The following NOTCH2 variants were observed in gnomAD, a reference collection of about 807,000 sequenced individuals.
NOTCH2 encodes neurogenic locus notch homolog protein 2.
NOTCH2 carries 29 observed loss-of-function variants against 235.8 expected under a neutral mutation model. The ratio of observed to expected loss-of-function variants is 0.12; its 90% CI spans 0.09 to 0.17. NOTCH2 has a LOEUF of 0.17. NOTCH2 is among the 10% of genes least tolerant of loss of function. The probability of loss-of-function intolerance (pLI) is 1.00; values close to 1 mark genes in which losing one functional copy is unlikely to be tolerated. For missense variants in NOTCH2, 2,285 were observed against 3,150.2 expected, an observed-to-expected ratio of 0.73 and a Z score of 6.57; for synonymous variants, 1,086 against 1,141.5, an observed-to-expected ratio of 0.95 and a Z score of 0.98.
chr1:120,014,699 A>G (rs1164006477), intron 2 of NOTCH2, among the ~76,000 whole-genome samples: 2 of 114,932 alleles, frequency 1.7e-5, no homozygotes, highest in African/African-American at 3.5e-5. Flanking sequence ...CTGAATAGCA[A>G]TTCCAATCTA....
intron 22 of NOTCH2, among the ~76,000 whole-genome samples, chr1:119,929,454 C>T (rs1649580789): frequency 6.6e-6 from 1 of 152,198 alleles, no homozygotes; most frequent in African/African-American, 2.4e-5. Flanking sequence ...CCACACAATC[C>T]AGTGAAGTAG....
intron 20 of NOTCH2, 144 bp from the exon 21 acceptor site, chr1:119,937,610 G>A (rs1243015907): frequency 7.1e-6 from 6 of 843,246 alleles, no homozygotes; most frequent in Non-Finnish European, 1.2e-5. Context: ...AGTACCAGAT[G>A]CATATTAAAA....
chr1:120,054,816 ATTC>A (rs1484198476), intron 1 of NOTCH2, among the ~76,000 whole-genome samples: 3 of 137,710 alleles, frequency 2.2e-5, no homozygotes, highest in Admixed American at 7.4e-5. Context: ...ACATAATTCC[ATTC>A]TTCTTCCCAG....
chr1:119,923,182 G>A (rs1649346121), intron 26 of NOTCH2, among the ~76,000 whole-genome samples: 1 of 152,132 alleles, frequency 6.6e-6, no homozygotes, highest in South Asian at 2.1e-4. Context: ...CTTTGTCTCT[G>A]CATTGGTATC....
Position 119,968,091 on chromosome 1 carries a change from T to C in NOTCH2, c.1250A>G (p.Asp417Gly). 1 of 1,614,100 alleles carries C rather than the reference T, an allele frequency of 6.2e-7. No homozygotes were observed. Among genetic ancestry groups the C allele is most frequent in the Non-Finnish European group, 8.5e-7 (1 of 1,179,940 alleles). The change falls in exon 7 of 34, where the codon GAT becomes GGT. Residue 417 changes from aspartate to glycine, a missense_variant. Around this residue, in one of 6 missense-constraint regions of NOTCH2, gnomAD observed 431 missense variants for 757.8 expected, o/e 0.57. Transcript: ENST00000256646. Reference protein sequence around the residue: ...YKGADCTEDVDECAMANSNPC... With the variant: ...YKGADCTEDVGECAMANSNPC... ...TGCTTACTCACCCATGGCACATTCA[T>C]CCACATCTTCTGTGCAGTCAGCCCC...
In NOTCH2 at chr1:119,997,085, C is replaced by G. The variant is rs374483518; in HGVS notation, c.663G>C (p.Leu221=). 6.2e-7 allele frequency: 1 copy of G among 1,614,034 alleles called. No homozygotes were observed. The highest frequency in any genetic ancestry group is 8.5e-7 in the Non-Finnish European group (1 of 1,179,866). The part of the protein sequence containing the change: ...QGFTGQYCDS[L]YVPCAPSPCV... ...AAGGTGAGGGTGCACAGGGCACATA[C>G]AGGCTGTCACAGTACTGGCCTGTGA... Residue 221 remains leucine, a synonymous_variant, in exon 4 of 34, where the codon CTG becomes CTC. Transcript: ENST00000256646.
rs375927260 is a variant in NOTCH2, at chr1:119,963,562, G to T, written c.1915+12C>A. 8 of 1,605,480 alleles carry T rather than the reference G, an allele frequency of 5.0e-6. No individual in the cohort carries two copies. Among genetic ancestry groups the T allele is most frequent in the Non-Finnish European group, 6.0e-6 (7 of 1,172,104 alleles). The stretch of plus-strand genomic sequence containing the variant: ...GAAAACCCCATACCAAACATAAACA[G>T]AGTGGGCTTACCTGACGTGCCTGGC... On this transcript the variant is annotated intron_variant, in intron 11 of 33. Coordinates refer to ENST00000256646, the MANE Select transcript of NOTCH2 (RefSeq NM_024408.4).
At chr1:119,962,854 A>G (rs587617538) in intron 11 of NOTCH2, among the ~76,000 whole-genome samples, 93 of 152,328 alleles carry the variant, frequency 6.1e-4, no homozygotes, top group African/African-American at 2.0e-3. Context: ...GTAAAACAGA[A>G]CCATCCAAAC....
Position 119,937,279 on chromosome 1 carries a change from C to T in NOTCH2, c.3522+3G>A. On this transcript the variant is annotated splice_donor_region_variant and intron_variant, in intron 21 of 33. Coordinates refer to ENST00000256646, the MANE Select transcript of NOTCH2 (RefSeq NM_024408.4). ...ATGACCTCTGCTTGCTCAGTGTCCTCACCTCGCATCTGTATCCACCAATGA... is the reference window on the plus strand; with the variant it reads ...ATGACCTCTGCTTGCTCAGTGTCCTTACCTCGCATCTGTATCCACCAATGA... The T allele has an allele frequency of 6.2e-7, 1 of 1,613,038 alleles. No homozygotes were observed. Among genetic ancestry groups the T allele is most frequent in the Non-Finnish European group, 8.5e-7 (1 of 1,179,924 alleles).
At chr1:120,025,004 GT>G (rs144108943) in intron 2 of NOTCH2, among the ~76,000 whole-genome samples, 2,754 of 147,902 alleles carry the variant, frequency 0.019, 101 homozygotes, top group South Asian at 0.11. Context: ...TTACAGTTTT[GT>G]TTTTTTTTTT....
At chr1:120,009,756 T>C (rs1653111787) in intron 2 of NOTCH2, among the ~76,000 whole-genome samples, 1 of 149,642 alleles carries the variant, frequency 6.7e-6, no homozygotes, top group African/African-American at 2.5e-5. Context: ...TTGGCTTCTA[T>C]GACTCCCTCT....
In NOTCH2 at chr1:119,918,558, A is replaced by G. The variant is rs1276022220; in HGVS notation, c.5782-5T>C. 3 of 1,614,108 alleles carry G rather than the reference A, an allele frequency of 1.9e-6. No homozygotes were observed. The African/African-American group carries it at 4.0e-5, about 22-fold the overall frequency. ...TACTCGGTTGCGAATCAGAATCTAGAAGAGGAGAAAGTACAGAAAAGAGAG... is the reference window on the plus strand; with the variant it reads ...TACTCGGTTGCGAATCAGAATCTAGGAGAGGAGAAAGTACAGAAAAGAGAG... On this transcript the variant is annotated splice_region_variant and splice_polypyrimidine_tract_variant and intron_variant, in intron 31 of 33. Coordinates refer to ENST00000256646, the MANE Select transcript of NOTCH2 (RefSeq NM_024408.4).
chr1:119,931,702 TAAC>T (rs1260181154), intron 22 of NOTCH2, among the ~76,000 whole-genome samples: 6 of 151,952 alleles, frequency 3.9e-5, no homozygotes, highest in African/African-American at 1.4e-4. Context: ...AATTGTGTAT[TAAC>T]AAATGAGTAG....
Position 120,038,069 on chromosome 1 carries a change from G to C in NOTCH2, c.74-8082C>G, listed in dbSNP as rs587641864. Among the ~76,000 whole-genome samples, 58 of 152,128 alleles carry C rather than the reference G, an allele frequency of 3.8e-4. No individual in the cohort carries two copies. The South Asian group carries it at 0.012, about 32-fold the overall frequency. ...TTGCAAAAAAAATTCATCAGTGTTT[G>C]CTGTGCTATATTGAAATCTACTATA... On this transcript the variant is annotated intron_variant, in intron 1 of 33. Transcript: ENST00000256646.
intron 4 of NOTCH2, 94 bp from the exon 5 acceptor site, chr1:119,987,176 G>A (rs1262740244): frequency 4.1e-5 from 60 of 1,451,024 alleles, no homozygotes; most frequent in Middle Eastern, 3.6e-4. Context: ...GAATAGACCC[G>A]CTTCATGACT....
intron 4 of NOTCH2, among the ~76,000 whole-genome samples, chr1:119,989,586 C>T (rs1738647): frequency 0.16 from 24,579 of 150,640 alleles, 2,677 homozygotes; most frequent in African/African-American, 0.32. Context: ...TGATAAGAGA[C>T]TTGTATTTAG....
chr1:120,009,060 G>A (rs1158526179), intron 2 of NOTCH2, among the ~76,000 whole-genome samples: 3 of 152,070 alleles, frequency 2.0e-5, no homozygotes, highest in South Asian at 2.1e-4. Flanking sequence ...TAAGGTGAGA[G>A]TAATCATGCA....
At chr1:119,950,685 G>T in intron 15 of NOTCH2, 39 bp downstream of exon 15, 2 of 1,311,070 alleles carry the variant, frequency 1.5e-6, no homozygotes, top group Non-Finnish European at 2.2e-6. Context: ...GCAAGGTCAA[G>T]TATCCCCTCT....
In NOTCH2 at chr1:120,008,868, C is replaced by T. The variant is rs1280557942; in HGVS notation, c.156-3280G>A. ...GAGTTTACATTCTAATAGCTGAAGA[C>T]GAAAACAAAATTACTAAGTAAAAGA... On this transcript the variant is annotated intron_variant, in intron 2 of 33. Coordinates refer to ENST00000256646, the MANE Select transcript of NOTCH2 (RefSeq NM_024408.4). Among the ~76,000 whole-genome samples the T allele has an allele frequency of 1.4e-4, 21 of 151,842 alleles. 1 individual carries two copies. Among genetic ancestry groups the T allele is most frequent in the African/African-American group, 2.7e-4 (11 of 41,420 alleles).
Sources: gnomAD v4.1 joint callset for allele counts (sites outside exome capture counted in the v4.1 genomes callset) on GRCh38, gnomAD v4.1.1 for gene constraint, gnomAD v4.1.1 regional missense constraint, MANE v1.5 for transcripts, NCBI Gene and HGNC (gene_info 2026-07-23, HGNC 2026-07-21) for gene names.